Variants in ZNF800 observed in about 807,000 individuals in gnomAD.
ZNF800 encodes zinc finger protein 800.
Under a neutral mutation model 59.5 loss-of-function variants are expected in ZNF800, and 13 were observed. That is an observed-to-expected ratio of 0.22 (90% CI 0.14 to 0.35). The LOEUF is 0.35. Among genes scored for constraint, ZNF800 ranks in the 10% least tolerant of loss-of-function variants. ZNF800 has a pLI of 1.00. For missense variants in ZNF800, 621 were observed against 783.7 expected, an observed-to-expected ratio of 0.79 and a Z score of 2.48; for synonymous variants, 266 against 265.7, an observed-to-expected ratio of 1.00 and a Z score of -0.01.
Position 127,374,016 on chromosome 7 carries a change from T to C in ZNF800, c.1320A>G (p.Lys440=). 6.2e-7 allele frequency: 1 copy of C among 1,614,030 alleles called. No individual in the cohort carries two copies. The change falls in exon 5 of 6, where the codon AAA becomes AAG. Residue 440 remains lysine (K), a synonymous_variant. Transcript: ENST00000265827. The stretch of plus-strand genomic sequence containing the variant: ...TTTTCTGTGCTGCCGGTGTGTTCTT[T>C]TTTTCATTTGAATGATTTGTTCCCT... ...ELKGTNHSNE[K]KNTPAAQKNK...
intron 1 of ZNF800, chr7:127,362,730 TGAAAC>T (rs1465943614): frequency 6.6e-6 from 1 of 151,992 alleles, no homozygotes; most frequent in Admixed American, 6.6e-5. Flanking sequence ...GAAAGGAACA[TGAAAC>T]AAACAACAAA....
chr7:127,366,660 G>T (rs1343043445), downstream of ZNF800, among the ~76,000 whole-genome samples: 1 of 152,116 alleles, frequency 6.6e-6, no homozygotes, highest in African/African-American at 2.4e-5. Flanking sequence ...AGAAAAACAT[G>T]TATACTGGAA....
intron 2 of ZNF800, among the ~76,000 whole-genome samples, chr7:127,386,699 T>C (rs1408327427): frequency 1.3e-5 from 2 of 152,198 alleles, no homozygotes; most frequent in East Asian, 3.8e-4. Context: ...GCACTGTATA[T>C]AATTGAGAGA....
Position 127,377,150 on chromosome 7 carries a change from G to A in ZNF800, c.301+36C>T, listed in dbSNP as rs1800809903. Reference sequence around the variant, plus strand: ...ACTTGCAGTATAAGAATACTTAGCTGTAAAATGCATAACTGAGTATATGAA... The same window carrying A: ...ACTTGCAGTATAAGAATACTTAGCTATAAAATGCATAACTGAGTATATGAA... On this transcript the variant is annotated intron_variant, in intron 4 of 5. Coordinates refer to ENST00000265827, the MANE Select transcript of ZNF800 (RefSeq NM_176814.5). The surrounding 1 kb of genome is among the most constrained non-coding windows in gnomAD (Gnocchi z 4.7). 1.3e-6 allele frequency: 2 copies of A among 1,568,806 alleles called. No individual in the cohort carries two copies. Among genetic ancestry groups the A allele is most frequent in the South Asian group, 1.2e-5 (1 of 83,686 alleles).
chr7:127,386,185 C>A (rs1054492641), intron 2 of ZNF800, 30 bp from the exon 3 acceptor site: 1 of 1,381,246 alleles, frequency 7.2e-7, no homozygotes, highest in Non-Finnish European at 1.0e-6. Context: ...CCACCCCAAT[C>A]CCCACAAAAA....
downstream of ZNF800, among the ~76,000 whole-genome samples, chr7:127,342,918 G>A (rs147197331): frequency 5.7e-3 from 867 of 152,050 alleles, 11 homozygotes; most frequent in African/African-American, 0.02. Context: ...ATATTAATAA[G>A]TTTATTCTTT....
rs1198326825 is a variant in ZNF800 at position 127,370,686 on chromosome 7, C to A, written c.*1128G>T. On this transcript the variant is annotated 3_prime_UTR_variant, in exon 6 of 6. Transcript: ENST00000265827. The stretch of plus-strand genomic sequence containing the variant: ...TATAATTATAATTTGACACAAATAA[C>A]TAAAAAATAAAATATTCCCTAAAAG... 1.3e-5 allele frequency: 2 copies of A among 152,394 alleles called. No homozygotes were observed. Among genetic ancestry groups the A allele is most frequent in the East Asian group, 3.8e-4 (2 of 5,200 alleles). 9.4% of individuals were successfully genotyped at this position (152,394 alleles called of 1,614,324 possible). A position where few individuals can be genotyped will look rare whatever the true frequency, so the allele number is the denominator to read the frequency against.
intron 1 of ZNF800, chr7:127,363,311 C>T (rs768211818): frequency 6.6e-6 from 1 of 151,454 alleles, no homozygotes; most frequent in Non-Finnish European, 1.5e-5. Flanking sequence ...AGTGATACCT[C>T]GGGAATAGAG....
At chr7:127,390,477 CAA>C (rs1291101618) in intron 2 of ZNF800, among the ~76,000 whole-genome samples, 2 of 152,124 alleles carry the variant, frequency 1.3e-5, no homozygotes, top group Admixed American at 6.5e-5. Flanking sequence ...TCATCTGTAG[CAA>C]AGTTTTCTTA....
chr7:127,354,371 T>G (rs537412975), intron 1 of ZNF800, among the ~76,000 whole-genome samples: 1 of 152,164 alleles, frequency 6.6e-6, no homozygotes, highest in African/African-American at 2.4e-5. Flanking sequence ...CCATTCATAT[T>G]AACAAAAAAC....
chr7:127,374,161 T>C lies in ZNF800; in HGVS notation c.1175A>G (p.Lys392Arg). ...AGTATTATTAGGGCCTTTTTCTCTT[T>C]TAGAGTTTGTTCCAGAAAGAGTTAT... is the stretch of plus-strand genomic sequence containing the variant. Reference protein sequence around the residue: ...HKITLSGTNSKREKGPNNTAN... With the variant: ...HKITLSGTNSRREKGPNNTAN... The change falls in exon 5 of 6, where the codon AAA (lysine) becomes AGA (arginine). Residue 392 changes from lysine to arginine, a missense_variant. Physicochemically the swap from Lys to Arg is conservative, Grantham distance 26. This residue lies in a region of ZNF800 where 185 missense variants were observed against 177.6 expected (regional missense o/e 1.04). Coordinates refer to ENST00000265827, the MANE Select transcript of ZNF800 (RefSeq NM_176814.5). The C allele has an allele frequency of 6.2e-7, 1 of 1,613,572 alleles. No individual in the cohort carries two copies. Among genetic ancestry groups the C allele is most frequent in the East Asian group, 2.2e-5 (1 of 44,880 alleles).
At chr7:127,389,623 T>G (rs1801246295) in intron 2 of ZNF800, among the ~76,000 whole-genome samples, 1 of 152,190 alleles carries the variant, frequency 6.6e-6, no homozygotes, top group African/African-American at 2.4e-5. Context: ...AATGAACTAC[T>G]CTATAAGTTA....
chr7:127,387,499 G>A (rs1332611810), intron 2 of ZNF800, among the ~76,000 whole-genome samples: 1 of 152,184 alleles, frequency 6.6e-6, no homozygotes, highest in Non-Finnish European at 1.5e-5. Flanking sequence ...CTAGTGCTCA[G>A]TGTACACAAA....
rs1424645149 is a variant in ZNF800, at chr7:127,375,460, G to T, written c.302-426C>A. On this transcript the variant is annotated intron_variant, in intron 4 of 5. Coordinates refer to ENST00000265827, the MANE Select transcript of ZNF800 (RefSeq NM_176814.5). ...ACATAAATAAAAATGGCATTTTTTAGAAAACATAACAGCATTCCCATTAAC... is the reference window on the plus strand; with the variant it reads ...ACATAAATAAAAATGGCATTTTTTATAAAACATAACAGCATTCCCATTAAC... Among the ~76,000 whole-genome samples the T allele has an allele frequency of 2.0e-5, 3 of 151,928 alleles. 1 individual carries two copies. Among genetic ancestry groups the T allele is most frequent in the South Asian group, 4.2e-4 (2 of 4,810 alleles).
intron 1 of ZNF800, among the ~76,000 whole-genome samples, chr7:127,354,632 C>T (rs560800565): frequency 6.6e-6 from 1 of 152,090 alleles, no homozygotes; most frequent in Non-Finnish European, 1.5e-5. Flanking sequence ...AATGGAAGAA[C>T]TGAGAGATGG....
rs1475396519 is a variant in ZNF800, at chr7:127,370,084, G to A, written c.*1730C>T. On this transcript the variant is annotated 3_prime_UTR_variant, in exon 6 of 6. Coordinates refer to ENST00000265827, the MANE Select transcript of ZNF800 (RefSeq NM_176814.5). ...GGTTTAATAATGTGCAACTAATGAA[G>A]ATGGCTTATAAATGAAATACCACCT... 1.3e-5 allele frequency: 2 copies of A among 152,052 alleles called. No individual in the cohort carries two copies. Among genetic ancestry groups the A allele is most frequent in the African/African-American group, 4.8e-5 (2 of 41,400 alleles). 9.4% of individuals were successfully genotyped at this position (152,052 alleles called of 1,614,324 possible). A position where few individuals can be genotyped will look rare whatever the true frequency, so the allele number is the denominator to read the frequency against.
At chr7:127,345,161 T>C (rs555740137), downstream of ZNF800, among the ~76,000 whole-genome samples, 1 of 152,326 alleles carries the variant, frequency 6.6e-6, no homozygotes, top group East Asian at 1.9e-4. Flanking sequence ...ATATGTTCAT[T>C]CATTCCTTCA....
In ZNF800 at chr7:127,370,987, A is replaced by C. The variant is rs1341268513; in HGVS notation, c.*827T>G. On this transcript the variant is annotated 3_prime_UTR_variant, in exon 6 of 6. Coordinates refer to ENST00000265827, the MANE Select transcript of ZNF800 (RefSeq NM_176814.5). ...GTGCATGGATTGTCTGCATCCATAAAATATCAGTAAGCTATTTATTACCTT... is the reference window on the plus strand; with the variant it reads ...GTGCATGGATTGTCTGCATCCATAACATATCAGTAAGCTATTTATTACCTT... 6.6e-6 allele frequency: 1 copy of C among 152,636 alleles called. No individual in the cohort carries two copies. The highest frequency in any genetic ancestry group is 2.4e-5 in the African/African-American group (1 of 41,472). 9.5% of individuals were successfully genotyped at this position (152,636 alleles called of 1,614,324 possible). A position where few individuals can be genotyped will look rare whatever the true frequency, so the allele number is the denominator to read the frequency against.
chr7:127,377,190 A>C lies in ZNF800; in HGVS notation c.297T>G (p.Asp99Glu), dbSNP rs779313555. 2 of 1,609,360 alleles carry C rather than the reference A, an allele frequency of 1.2e-6. No homozygotes were observed. The highest frequency in any genetic ancestry group is 1.3e-5 in the African/African-American group (1 of 74,778). ...KFYCPPSLQM[D>E]DNLPDVNDKQ... ...GAGTATATGAATAAAACTTACTGTC[A>C]TCCATCTGGAGACTTGGTGGGCAGT... Residue 99 changes from aspartate (D) to glutamate (E), a missense_variant, in exon 4 of 6, where the codon GAT (aspartate) becomes GAG (glutamate). Transcript: ENST00000265827. The surrounding 1 kb of genome is among the most constrained non-coding windows in gnomAD (Gnocchi z 4.7).
Sources: gnomAD v4.1 joint callset for allele counts (sites outside exome capture counted in the v4.1 genomes callset) on GRCh38, gnomAD v4.1.1 for gene constraint, gnomAD v4.1.1 regional missense constraint, Gnocchi (gnomAD v3.1) non-coding constraint, MANE v1.5 for transcripts, NCBI Gene and HGNC (gene_info 2026-07-23, HGNC 2026-07-21) for gene names.